Variants in PTPRQ observed in about 807,000 individuals in gnomAD.
PTPRQ encodes phosphatidylinositol phosphatase PTPRQ.
A neutral mutation model predicts 246.0 loss-of-function variants in PTPRQ; 199 were observed. That is an observed-to-expected ratio of 0.81 (90% CI 0.72 to 0.91). The LOEUF is 0.91. Among genes scored for constraint, PTPRQ ranks in the 40% least tolerant of loss-of-function variants. The pLI is 0.00. For missense variants in PTPRQ, 2,624 were observed against 2,528.4 expected (o/e 1.04, Z -0.81); for synonymous variants, 869 against 853.2 (o/e 1.02, Z -0.32).
intron 27 of PTPRQ, among the ~76,000 whole-genome samples, chr12:80,607,135 T>G (rs1033073809): frequency 6.6e-6 from 1 of 150,964 alleles, no homozygotes; most frequent in Non-Finnish European, 1.5e-5. Context: ...TTCATTATCT[T>G]ATTATATGTT....
rs182371680 is a variant in PTPRQ, at chr12:80,669,802, C to T, written c.6453+338C>T. ...AATATCTGACTTGAGACAGCAATTT[C>T]CCAAGTCACTCATCTCCTGAATCCT... On this transcript the variant is annotated intron_variant, in intron 41 of 44. Coordinates refer to ENST00000644991, the MANE Select transcript of PTPRQ (RefSeq NM_001145026.2). Among the ~76,000 whole-genome samples, 420 of 152,048 alleles carry T rather than the reference C, an allele frequency of 2.8e-3. 2 individuals carry two copies. Among genetic ancestry groups the T allele is most frequent in the African/African-American group, 9.8e-3 (406 of 41,502 alleles).
chr12:80,540,005 A>C, intron 20 of PTPRQ, 61 bp downstream of exon 20: 1 of 1,323,024 alleles, frequency 7.6e-7, no homozygotes, highest in Non-Finnish European at 9.9e-7. Context: ...TATTTTAGGA[A>C]ATTTTACTAT....
At chr12:80,538,674 A>C (rs1212872646) in intron 19 of PTPRQ, among the ~76,000 whole-genome samples, 3 of 152,186 alleles carry the variant, frequency 2.0e-5, no homozygotes, top group Non-Finnish European at 4.4e-5. Context: ...AATTTTGCTA[A>C]TTTAATTTGT....
intron 27 of PTPRQ, among the ~76,000 whole-genome samples, chr12:80,605,451 A>C (rs757989349): frequency 3.3e-4 from 50 of 151,270 alleles, no homozygotes; most frequent in Admixed American, 1.9e-3. Flanking sequence ...CATTATTATA[A>C]TATGTTTTAT....
intron 3 of PTPRQ, among the ~76,000 whole-genome samples, chr12:80,449,509 G>A (rs1431808150): frequency 6.6e-6 from 1 of 152,098 alleles, no homozygotes; most frequent in Non-Finnish European, 1.5e-5. Flanking sequence ...ATGGTTTTAG[G>A]TCTAACATTT....
rs1206107315 is a variant in PTPRQ, at chr12:80,473,057, A to ACG, written c.1186+807_1186+808insGC. Among the ~76,000 whole-genome samples the ACG allele has an allele frequency of 2.6e-3, 393 of 151,276 alleles. 3 individuals are homozygous for ACG. Among genetic ancestry groups the ACG allele is most frequent in the African/African-American group, 9.1e-3 (371 of 40,968 alleles). ...CACACTCACACACACGCACACACAC[A>ACG]CACACACACACACACACACAGGTCA... On this transcript the variant is annotated intron_variant, in intron 8 of 44. Transcript: ENST00000644991.
Position 80,642,935 on chromosome 12 carries a change from A to AAAAAAAC in PTPRQ, c.5916-5956_5916-5955insCAAAAAA, listed in dbSNP as rs1555210246. Among the ~76,000 whole-genome samples the AAAAAAAC allele has an allele frequency of 8.2e-5, 12 of 145,642 alleles. No homozygotes were observed. In the East Asian group the frequency reaches 1.9e-3, roughly 24 times the overall value. ...ACTCCGTCTTAAAAAAAAAAAAAAA[A>AAAAAAAC]AAAAAAAAAAACAATTGAGTATCTC... is the stretch of plus-strand genomic sequence containing the variant. On this transcript the variant is annotated intron_variant, in intron 35 of 44. Transcript: ENST00000644991.
intron 33 of PTPRQ, 31 bp downstream of exon 33, chr12:80,622,165 T>G: frequency 7.4e-7 from 1 of 1,343,276 alleles, no homozygotes; most frequent in Non-Finnish European, 9.8e-7. Context: ...ATTTATAATC[T>G]CAACATATTT....
rs1021406050 is a variant in PTPRQ at position 80,444,814 on chromosome 12, C to T, written c.128C>T (p.Ser43Leu). Residue 43 changes from serine to leucine, a missense_variant, in exon 2 of 45, where the codon TCA (serine) becomes TTA (leucine). Coordinates refer to ENST00000644991, the MANE Select transcript of PTPRQ (RefSeq NM_001145026.2). ...TCTTCAATTTCTACAACATACACCT[C>T]ACCTGTTACTAGAATAGTGACAACA... The part of the protein sequence containing the change: ...TISSISTTYT[S>L]PVTRIVTTNV... The T allele has an allele frequency of 2.0e-6, 3 of 1,536,624 alleles. No homozygotes were observed. The highest frequency in any genetic ancestry group is 2.6e-6 in the Non-Finnish European group (3 of 1,137,290).
At chr12:80,510,679 A>G (rs1265651429) in intron 17 of PTPRQ, among the ~76,000 whole-genome samples, 1 of 152,214 alleles carries the variant, frequency 6.6e-6, no homozygotes, top group Non-Finnish European at 1.5e-5. Context: ...GCATAATTAT[A>G]CTAAATTCCT....
chr12:80,470,106 G>A (rs753213274), intron 7 of PTPRQ, among the ~76,000 whole-genome samples: 6 of 152,162 alleles, frequency 3.9e-5, no homozygotes, highest in Admixed American at 6.5e-5. Context: ...TATAAAGCAT[G>A]TTTGTTTGCT....
At chr12:80,476,252 C>A (rs1194806866) in intron 8 of PTPRQ, among the ~76,000 whole-genome samples, 1 of 152,100 alleles carries the variant, frequency 6.6e-6, no homozygotes, top group Non-Finnish European at 1.5e-5. Context: ...TGGAAAGTTT[C>A]TCCACCCTTG....
chr12:80,548,409 G>T (rs1021453052), intron 24 of PTPRQ, among the ~76,000 whole-genome samples: 1 of 152,022 alleles, frequency 6.6e-6, no homozygotes, highest in Non-Finnish European at 1.5e-5. Flanking sequence ...GCATTTAATT[G>T]CCAGATCCCT....
intron 30 of PTPRQ, among the ~76,000 whole-genome samples, chr12:80,617,103 C>G (rs1898792056): frequency 6.6e-6 from 1 of 151,186 alleles, no homozygotes; most frequent in African/African-American, 2.4e-5. Flanking sequence ...CAGCATTAGG[C>G]TGGGTTTAGG....
At position 80,613,691 on chromosome 12, in the gene PTPRQ, A is replaced by G; in HGVS notation, c.5018A>G (p.Asn1673Ser). The stretch of plus-strand genomic sequence containing the variant: ...CTTCCTCCTTCTCAACCTAATGGAA[A>G]TATCCAAGTATATCAAGCTCTGGTT... Reference protein sequence around the residue: ...TFLPPSQPNGNIQVYQALVYR... With the variant: ...TFLPPSQPNGSIQVYQALVYR... The change falls in exon 29 of 45, where the codon AAT becomes AGT. Residue 1673 changes from asparagine to serine, a missense_variant. Coordinates refer to ENST00000644991, the MANE Select transcript of PTPRQ (RefSeq NM_001145026.2). 6.5e-7 allele frequency: 1 copy of G among 1,546,262 alleles called. No individual in the cohort carries two copies. Among genetic ancestry groups the G allele is most frequent in the Non-Finnish European group, 8.7e-7 (1 of 1,143,274 alleles).
intron 39 of PTPRQ, among the ~76,000 whole-genome samples, chr12:80,662,712 T>A (rs1900670391): frequency 6.6e-6 from 1 of 152,018 alleles, no homozygotes; most frequent in Non-Finnish European, 1.5e-5. Flanking sequence ...TGAGCTAATT[T>A]AAGGACTGCA....
At chr12:80,494,907 T>C in intron 10 of PTPRQ, 26 bp from the exon 11 acceptor site, 1 of 1,500,070 alleles carries the variant, frequency 6.7e-7, no homozygotes, top group Non-Finnish European at 8.9e-7. Flanking sequence ...CCTTTCTTTT[T>C]TTCTCTTTTT....
At chr12:80,587,155 A>G (rs1228465135) in intron 25 of PTPRQ, among the ~76,000 whole-genome samples, 2 of 152,180 alleles carry the variant, frequency 1.3e-5, no homozygotes, top group Admixed American at 6.6e-5. Flanking sequence ...CTACCTGTAC[A>G]TATTAGATGC....
At chr12:80,477,121 A>T (rs1274304301) in intron 8 of PTPRQ, among the ~76,000 whole-genome samples, 3 of 152,166 alleles carry the variant, frequency 2.0e-5, no homozygotes, top group Non-Finnish European at 2.9e-5. Context: ...TTGGTACTTT[A>T]TTTTAAACCA....
Sources: gnomAD v4.1 joint callset for allele counts (sites outside exome capture counted in the v4.1 genomes callset) on GRCh38, gnomAD v4.1.1 for gene constraint, MANE v1.5 for transcripts, NCBI Gene and HGNC (gene_info 2026-07-23, HGNC 2026-07-21) for gene names.